Variants in CBLB observed in about 807,000 individuals in gnomAD.
CBLB encodes the protein Cbl proto-oncogene B.
A neutral mutation model predicts 104.9 loss-of-function variants in CBLB; 31 were observed. The ratio of observed to expected loss-of-function variants is 0.30; its 90% CI spans 0.22 to 0.40. The LOEUF (loss-of-function observed/expected upper bound fraction) is 0.40, where lower values mean the gene tolerates loss of function less well. CBLB is among the 10% of genes least tolerant of loss of function. CBLB has a pLI of 1.00. For missense variants in CBLB, 1,062 were observed against 1,214.6 expected (o/e 0.87, Z 1.87); for synonymous variants, 440 against 422.6 (o/e 1.04, Z -0.51).
Position 105,838,134 on chromosome 3 carries a change from G to A in CBLB, c.419+15280C>T, listed in dbSNP as rs1317136000. Among the ~76,000 whole-genome samples the A allele has an allele frequency of 2.1e-5, 3 of 142,132 alleles. No homozygotes were observed. In the East Asian group the frequency reaches 6.1e-4, roughly 29 times the overall value. The allele number at this position is 142,132 out of a possible 152,430, so 93.2% of individuals were successfully genotyped here. The stretch of plus-strand genomic sequence containing the variant: ...TTCTCACTCTGTCACCCAGGCTGGA[G>A]TGCAGCGCCATGACCTCAGCTCACA... On this transcript the variant is annotated intron_variant, in intron 3 of 18. Transcript: ENST00000394030.
Position 105,868,758 on chromosome 3 carries a change from G to A in CBLB, c.-37C>T. The A allele has an allele frequency of 1.0e-6, 1 of 989,382 alleles. No homozygotes were observed. The highest frequency in any genetic ancestry group is 1.2e-6 in the Non-Finnish European group (1 of 832,272). 61.3% of individuals were successfully genotyped at this position (989,382 alleles called of 1,614,324 possible). A position where few individuals can be genotyped will look rare whatever the true frequency, so the allele number is the denominator to read the frequency against. On this transcript the variant is annotated 5_prime_UTR_variant, in exon 1 of 19. Transcript: ENST00000394030. ...TGCCTTTCGGCGCCGTAGCTGTCCA[G>A]AGACACGCGTGTGCGCGGGTCCCAC... is the stretch of plus-strand genomic sequence containing the variant.
chr3:105,721,003 T>C (rs560007193), intron 9 of CBLB, among the ~76,000 whole-genome samples: 1 of 152,244 alleles, frequency 6.6e-6, no homozygotes, highest in Non-Finnish European at 1.5e-5. Context: ...TTCTCAAAAC[T>C]AACTACATTA....
chr3:105,659,982 T>C (rs1230727474), intron 18 of CBLB, among the ~76,000 whole-genome samples: 1 of 152,104 alleles, frequency 6.6e-6, no homozygotes, highest in Non-Finnish European at 1.5e-5. Flanking sequence ...GAGAATTGGG[T>C]TCTAGATTAG....
rs536747308 is a variant in CBLB, at chr3:105,840,380, G to A, written c.419+13034C>T. The stretch of plus-strand genomic sequence containing the variant: ...TCTGAATTTAATGAATACAAGCATC[G>A]TGTTAGAAAAAAAAAAAAGTTGCAT... On this transcript the variant is annotated intron_variant, in intron 3 of 18. Coordinates refer to ENST00000394030, the MANE Select transcript of CBLB (RefSeq NM_170662.5). Among the ~76,000 whole-genome samples the A allele has an allele frequency of 2.5e-4, 38 of 150,152 alleles. 1 individual carries two copies. The South Asian group carries it at 4.6e-3, about 18-fold the overall frequency.
chr3:105,734,263 T>C, intron 8 of CBLB, 123 bp from the exon 9 acceptor site: 1 of 950,750 alleles, frequency 1.1e-6, no homozygotes, highest in Non-Finnish European at 1.7e-6. Context: ...TGTCAGAATT[T>C]TGTTACCATT....
At chr3:105,732,310 C>T (rs1000169592) in intron 9 of CBLB, among the ~76,000 whole-genome samples, 1 of 152,164 alleles carries the variant, frequency 6.6e-6, no homozygotes, top group Admixed American at 6.5e-5. Flanking sequence ...AAAGGCACTG[C>T]TAAGTTTGCA....
At chr3:105,827,259 C>T (rs1443840580) in intron 3 of CBLB, among the ~76,000 whole-genome samples, 4 of 152,132 alleles carry the variant, frequency 2.6e-5, no homozygotes, top group Non-Finnish European at 5.9e-5. Flanking sequence ...ACCTTCTGGA[C>T]TGAAAATGAC....
chr3:105,817,583 C>G (rs944274698), intron 3 of CBLB, among the ~76,000 whole-genome samples: 1 of 152,078 alleles, frequency 6.6e-6, no homozygotes, highest in Non-Finnish European at 1.5e-5. Flanking sequence ...AAAAAACTAT[C>G]GGGAGATGCA....
intron 3 of CBLB, among the ~76,000 whole-genome samples, chr3:105,782,676 T>C (rs1346865161): frequency 1.3e-5 from 2 of 149,272 alleles, no homozygotes; most frequent in African/African-American, 4.9e-5. Flanking sequence ...AACCTCCACC[T>C]CATGGGTTCA....
At chr3:105,751,422 A>G in intron 5 of CBLB, 40 bp downstream of exon 5, 2 of 1,436,974 alleles carry the variant, frequency 1.4e-6, no homozygotes, top group African/African-American at 1.4e-5. Flanking sequence ...ACAGGGAGAG[A>G]GAAGAAGGGA....
chr3:105,821,698 T>C (rs1298689569), intron 3 of CBLB, among the ~76,000 whole-genome samples: 2 of 152,328 alleles, frequency 1.3e-5, no homozygotes, highest in East Asian at 3.9e-4. Flanking sequence ...TTGCCCGGGA[T>C]TGAAATGTTT....
At chr3:105,750,498 C>A (rs1362492898) in intron 5 of CBLB, among the ~76,000 whole-genome samples, 3 of 152,052 alleles carry the variant, frequency 2.0e-5, no homozygotes, top group Non-Finnish European at 1.5e-5. Flanking sequence ...CATAAGTAAG[C>A]CCAGTCTGAT....
intron 3 of CBLB, among the ~76,000 whole-genome samples, chr3:105,811,701 C>A (rs534157815): frequency 6.6e-6 from 1 of 151,892 alleles, no homozygotes; most frequent in Non-Finnish European, 1.5e-5. Flanking sequence ...TACAACCCTA[C>A]GAAAATTACT....
At chr3:105,768,972 G>A in intron 4 of CBLB, among the ~76,000 whole-genome samples, 1 of 152,334 alleles carries the variant, frequency 6.6e-6, no homozygotes, top group South Asian at 2.1e-4. Flanking sequence ...GAAATTGAGA[G>A]TAGAGGATAG....
chr3:105,849,347 A>ATTAAGGAT (rs1441091455), intron 3 of CBLB, among the ~76,000 whole-genome samples: 1 of 152,140 alleles, frequency 6.6e-6, no homozygotes, highest in East Asian at 1.9e-4. Flanking sequence ...GTAATATCCA[A>ATTAAGGAT]TTAAGGATAT....
At chr3:105,753,041 A>G (rs1224578379) in intron 4 of CBLB, among the ~76,000 whole-genome samples, 1 of 152,230 alleles carries the variant, frequency 6.6e-6, no homozygotes, top group Non-Finnish European at 1.5e-5. Flanking sequence ...CTGTAATGCT[A>G]AAGAATCTAG....
At chr3:105,822,862 TCAAA>T (rs2086072266) in intron 3 of CBLB, among the ~76,000 whole-genome samples, 1 of 152,174 alleles carries the variant, frequency 6.6e-6, no homozygotes, top group Admixed American at 6.6e-5. Context: ...GCTCCTTAAA[TCAAA>T]CAAACAAACA....
chr3:105,740,886 C>G (rs966439875), intron 6 of CBLB, among the ~76,000 whole-genome samples: 2 of 152,028 alleles, frequency 1.3e-5, no homozygotes, highest in Admixed American at 1.3e-4. Flanking sequence ...AGATTGTAAA[C>G]TAGGGATTTT....
intron 12 of CBLB, among the ~76,000 whole-genome samples, chr3:105,697,830 C>T (rs1475374839): frequency 6.6e-6 from 1 of 151,932 alleles, no homozygotes; most frequent in African/African-American, 2.4e-5. Context: ...CTTACTGCCT[C>T]AAGAGAACAA....
Sources: allele counts gnomAD v4.1 joint callset (sites outside exome capture counted in the v4.1 genomes callset), GRCh38; gene constraint gnomAD v4.1.1; transcripts MANE v1.5; gene names NCBI Gene and HGNC (gene_info 2026-07-23, HGNC 2026-07-21).